CSMD1: variants seen among roughly 807,000 people sequenced by gnomAD.
CSMD1 encodes the protein CUB and sushi domain-containing protein 1.
CSMD1 carries 213 observed loss-of-function variants against 417.5 expected under a neutral mutation model. The ratio of observed to expected loss-of-function variants is 0.51; its 90% CI spans 0.46 to 0.57. The LOEUF (loss-of-function observed/expected upper bound fraction) is 0.57. Among genes scored for constraint, CSMD1 ranks in the 20% least tolerant of loss-of-function variants. The pLI is 0.00. For synonymous variants in CSMD1, 2,862 were observed against 1,736.8 expected, an observed-to-expected ratio of 1.65 and a Z score of -16.11; for missense variants, 6,923 against 4,529.7, an observed-to-expected ratio of 1.53 and a Z score of -15.17.
At chr8:3,223,474 T>C (rs1798325844) in intron 28 of CSMD1, among the ~76,000 whole-genome samples, 1 of 152,170 alleles carries the variant, frequency 6.6e-6, no homozygotes, top group African/African-American at 2.4e-5. Context: ...GTTTAAGCCT[T>C]CTCATATGGG....
At chr8:4,827,929 T>A (rs1563515670) in intron 1 of CSMD1, among the ~76,000 whole-genome samples, 1 of 152,132 alleles carries the variant, frequency 6.6e-6, no homozygotes, top group African/African-American at 2.4e-5. Context: ...AAATCCAATA[T>A]TCATTCATGA....
At position 4,926,704 on chromosome 8, in the gene CSMD1, C is replaced by A. The variant is rs183504520; in HGVS notation, c.85+67628G>T. 8.1e-3 allele frequency among the ~76,000 whole-genome samples: 1,231 copies of A among 152,066 alleles called. 13 individuals are homozygous for A. The highest frequency in any genetic ancestry group is 0.028 in the African/African-American group (1,149 of 41,482). Reference sequence around the variant, plus strand: ...TTTCTTTTTTTTCGGTCAGTTAATACAAACAAACTTTACAGGACTTTACAA... The same window carrying A: ...TTTCTTTTTTTTCGGTCAGTTAATAAAAACAAACTTTACAGGACTTTACAA... On this transcript the variant is annotated intron_variant, in intron 1 of 69. Transcript: ENST00000635120.
At chr8:4,815,278 A>G (rs960520537) in intron 1 of CSMD1, among the ~76,000 whole-genome samples, 9 of 152,294 alleles carry the variant, frequency 5.9e-5, no homozygotes, top group Middle Eastern at 3.4e-3. Flanking sequence ...CTTCAAACCA[A>G]TCTGCATTTG....
At chr8:3,523,892 G>A (rs950489807) in intron 10 of CSMD1, among the ~76,000 whole-genome samples, 7 of 140,590 alleles carry the variant, frequency 5.0e-5, no homozygotes, top group Non-Finnish European at 1.1e-4. Flanking sequence ...CATGCACAGA[G>A]ACATATGCAC....
chr8:3,469,894 A>AT (rs1227220382), intron 11 of CSMD1, among the ~76,000 whole-genome samples: 13 of 152,148 alleles, frequency 8.5e-5, no homozygotes, highest in Non-Finnish European at 1.8e-4. Context: ...CTTTCTGAAG[A>AT]TTTGTCTTCG....
chr8:3,929,298 G>A (rs1203022195), intron 5 of CSMD1, among the ~76,000 whole-genome samples: 3 of 150,358 alleles, frequency 2.0e-5, no homozygotes, highest in Non-Finnish European at 3.0e-5. Flanking sequence ...GAAACTCAAT[G>A]CTGAAATTAA....
At chr8:3,241,435 G>T (rs1409243224) in intron 26 of CSMD1, among the ~76,000 whole-genome samples, 1 of 152,178 alleles carries the variant, frequency 6.6e-6, no homozygotes, top group Non-Finnish European at 1.5e-5. Context: ...CTCGGCATCT[G>T]TGTTGGTCTA....
chr8:3,461,613 A>C (rs1249964001), intron 12 of CSMD1, among the ~76,000 whole-genome samples: 2 of 152,188 alleles, frequency 1.3e-5, no homozygotes, highest in African/African-American at 4.8e-5. Context: ...GCCCCATGAA[A>C]CTGTAAGCTA....
At chr8:4,877,859 A>T (rs1042104749) in intron 1 of CSMD1, among the ~76,000 whole-genome samples, 1 of 152,066 alleles carries the variant, frequency 6.6e-6, no homozygotes, top group Non-Finnish European at 1.5e-5. Context: ...TTTAAACAAC[A>T]AATTGCTCTA....
Position 3,383,127 on chromosome 8 carries a change from T to C in CSMD1, c.2782+4367A>G, listed in dbSNP as rs115110953. On this transcript the variant is annotated intron_variant, in intron 18 of 69. Transcript: ENST00000635120. ...CAAATCCACAAATTTTTAGATGGAT[T>C]GAAGTTATAAATTTAAAAGATAAAC... Among the ~76,000 whole-genome samples the C allele has an allele frequency of 7.9e-3, 1,201 of 152,300 alleles. 16 individuals are homozygous for C. Among genetic ancestry groups the C allele is most frequent in the African/African-American group, 0.028 (1,159 of 41,560 alleles).
In CSMD1 at chr8:2,992,133, GCA is replaced by G. The variant is rs754739474; in HGVS notation, c.8377+5876_8377+5877del. Among the ~76,000 whole-genome samples, 6 of 152,216 alleles carry G rather than the reference GCA, an allele frequency of 3.9e-5. No individual in the cohort carries two copies. The East Asian group carries it at 5.8e-4, about 15-fold the overall frequency. The stretch of plus-strand genomic sequence containing the variant: ...ACATGCATGAATAGTACATATGCAT[GCA>G]CACACAGACACATGCACACACATGA... On this transcript the variant is annotated intron_variant, in intron 54 of 69. Transcript: ENST00000635120.
rs552427054 is a variant in CSMD1 at position 4,830,481 on chromosome 8, G to T, written c.85+163851C>A. ...TTAGGATCTGTCTTTTTGCTAGATT[G>T]TCATCATAGAAGAATCAAGAAGCTA... On this transcript the variant is annotated intron_variant, in intron 1 of 69. Transcript: ENST00000635120. Among the ~76,000 whole-genome samples, 3 of 152,156 alleles carry T rather than the reference G, an allele frequency of 2.0e-5. No individual in the cohort carries two copies. In the East Asian group the frequency reaches 5.8e-4, roughly 29 times the overall value.
At chr8:3,264,453 C>G (rs141935530) in intron 26 of CSMD1, among the ~76,000 whole-genome samples, 52 of 152,062 alleles carry the variant, frequency 3.4e-4, no homozygotes, top group Non-Finnish European at 6.9e-4. Context: ...TTATTTCTGT[C>G]AGTTTGAATC....
chr8:4,142,092 C>T (rs1803827147), intron 3 of CSMD1, among the ~76,000 whole-genome samples: 1 of 150,852 alleles, frequency 6.6e-6, no homozygotes, highest in African/African-American at 2.5e-5. Flanking sequence ...CTGGAACATT[C>T]CCTAATGTTT....
At chr8:4,248,904 G>A (rs774744238) in intron 3 of CSMD1, among the ~76,000 whole-genome samples, 1 of 152,056 alleles carries the variant, frequency 6.6e-6, no homozygotes, top group Non-Finnish European at 1.5e-5. Flanking sequence ...AATCCATTTA[G>A]ACCATATTGA....
intron 5 of CSMD1, among the ~76,000 whole-genome samples, chr8:3,944,017 G>A (rs1390310793): frequency 1.3e-5 from 2 of 152,054 alleles, no homozygotes; most frequent in Admixed American, 1.3e-4. Context: ...GACTTTAATA[G>A]TTATACTGTG....
At chr8:3,764,656 G>C (rs1798172588) in intron 5 of CSMD1, among the ~76,000 whole-genome samples, 8 of 152,084 alleles carry the variant, frequency 5.3e-5, no homozygotes, top group Admixed American at 5.2e-4. Context: ...GGCTAGACAG[G>C]GGCTGGGGAG....
intron 3 of CSMD1, among the ~76,000 whole-genome samples, chr8:4,095,538 T>G (rs141205067): frequency 6.6e-6 from 1 of 152,330 alleles, no homozygotes; most frequent in East Asian, 1.9e-4. Flanking sequence ...AATGTAAACA[T>G]GCAACTTTTA....
intron 5 of CSMD1, among the ~76,000 whole-genome samples, chr8:3,883,384 T>C (rs781139187): frequency 6.6e-6 from 1 of 152,152 alleles, no homozygotes; most frequent in Non-Finnish European, 1.5e-5. Context: ...CGATTTCTCA[T>C]AGTTTTAAAC....
Sources: gnomAD v4.1 joint callset for allele counts (sites outside exome capture counted in the v4.1 genomes callset) on GRCh38, gnomAD v4.1.1 for gene constraint, MANE v1.5 for transcripts, NCBI Gene and HGNC (gene_info 2026-07-23, HGNC 2026-07-21) for gene names.